The following KDM6A variants were observed in gnomAD, a reference collection of about 807,000 sequenced individuals.
KDM6A encodes lysine demethylase 6A.
In KDM6A, 11 loss-of-function variants were observed where a neutral mutation model predicts 117.6. That is an observed-to-expected ratio of 0.09 (90% CI 0.06 to 0.15). The LOEUF is 0.15. Among genes scored for constraint, KDM6A ranks in the 10% least tolerant of loss-of-function variants. The pLI, the probability that KDM6A is intolerant of heterozygous loss-of-function variation, is 1.00. For missense variants in KDM6A, 799 were observed against 1,077.3 expected (o/e 0.74, Z 3.62); for synonymous variants, 384 against 396.1 (o/e 0.97, Z 0.36).
chrX:45,011,474 C>G (rs1005259869), intron 5 of KDM6A, among the ~76,000 whole-genome samples: 2 of 111,407 alleles, frequency 1.8e-5, no homozygotes, highest in Admixed American at 9.5e-5. Context: ...TAACTAGGCA[C>G]CAACTCATAA....
intron 7 of KDM6A, 81 bp downstream of exon 7, chrX:45,035,066 T>G (rs1049121359): frequency 8.4e-6 from 7 of 834,919 alleles, no homozygotes; most frequent in Non-Finnish European, 1.3e-5. Context: ...AGTGATAAAT[T>G]CTGTGCAATT....
In KDM6A at chrX:44,984,959, G is replaced by A. The variant is rs1413937496; in HGVS notation, c.384+10244G>A. Among the ~76,000 whole-genome samples the A allele has an allele frequency of 2.7e-5, 3 of 110,474 alleles. No individual in the cohort carries two copies. In the East Asian group the frequency reaches 8.5e-4, roughly 31 times the overall value. On this transcript the variant is annotated intron_variant, in intron 4 of 29. Coordinates refer to ENST00000611820, the MANE Select transcript of KDM6A (RefSeq NM_001291415.2). ...TCCAATTCTGTGAAGAAAGTCATTG[G>A]TAGCTTGATGGGGATGGCATTGAAT...
At chrX:44,909,562 G>A (rs1190572192) in intron 2 of KDM6A, among the ~76,000 whole-genome samples, 1 of 110,603 alleles carries the variant, frequency 9.0e-6, no homozygotes, top group East Asian at 2.8e-4. Context: ...GTTTTGAAAT[G>A]TATAGTCACC....
intron 4 of KDM6A, among the ~76,000 whole-genome samples, chrX:44,987,922 T>G (rs1039470859): frequency 9.0e-6 from 1 of 110,827 alleles, no homozygotes; most frequent in Non-Finnish European, 1.9e-5. Flanking sequence ...CTTTGTGGTG[T>G]TCTCTGTATT....
chrX:44,967,309 C>A (rs900949876), intron 3 of KDM6A, among the ~76,000 whole-genome samples: 2 of 111,563 alleles, frequency 1.8e-5, no homozygotes, highest in Admixed American at 1.9e-4. Flanking sequence ...CATTTGTTAC[C>A]TTTGGCTACC....
chrX:44,963,507 G>GTCTGTCTGTCTGTC (rs1569485938), intron 3 of KDM6A, among the ~76,000 whole-genome samples: 1 of 104,914 alleles, frequency 9.5e-6, no homozygotes, highest in East Asian at 3.0e-4. Context: ...GTCTCTGTCT[G>GTCTGTCTGTCTGTC]TCTGTCTGTC....
At chrX:45,051,641 T>A in intron 8 of KDM6A, 68 bp from the exon 9 acceptor site, 1 of 600,048 alleles carries the variant, frequency 1.7e-6, no homozygotes, top group Non-Finnish European at 2.7e-6. Flanking sequence ...TGTATAATTC[T>A]TAATATATGA....
intron 5 of KDM6A, among the ~76,000 whole-genome samples, chrX:45,019,337 C>T (rs2042087437): frequency 9.0e-6 from 1 of 111,651 alleles, no homozygotes; most frequent in Non-Finnish European, 1.9e-5. Flanking sequence ...AAAGTACTGT[C>T]ATAATCAGGG....
chrX:44,881,365 G>C (rs1015168835), intron 2 of KDM6A, among the ~76,000 whole-genome samples: 3 of 111,582 alleles, frequency 2.7e-5, no homozygotes, highest in Admixed American at 1.9e-4. Context: ...CCCAGGAGAT[G>C]GAGATTGCAG....
intron 3 of KDM6A, among the ~76,000 whole-genome samples, chrX:44,965,232 G>A (rs1431942681): frequency 8.9e-6 from 1 of 111,860 alleles, no homozygotes; most frequent in African/African-American, 3.3e-5. Context: ...GTTTTATCCA[G>A]ACCACTCAGA....
chrX:44,899,396 C>T (rs779181117), intron 2 of KDM6A, among the ~76,000 whole-genome samples: 1 of 108,309 alleles, frequency 9.2e-6, no homozygotes, highest in Non-Finnish European at 1.9e-5. Context: ...CCCGGCTCCA[C>T]TGAAACTGGA....
intron 5 of KDM6A, among the ~76,000 whole-genome samples, chrX:45,017,410 A>G (rs759185155): frequency 8.1e-5 from 9 of 111,534 alleles, no homozygotes; most frequent in Non-Finnish European, 1.7e-4. Context: ...ATGTAGTCTG[A>G]GTGTTACCTA....
intron 2 of KDM6A, among the ~76,000 whole-genome samples, chrX:44,877,903 T>C (rs912566141): frequency 5.4e-5 from 6 of 111,654 alleles, no homozygotes; most frequent in African/African-American, 2.0e-4. Context: ...TTTTTGATAA[T>C]AGAAGTAGTT....
intron 2 of KDM6A, among the ~76,000 whole-genome samples, chrX:44,956,816 G>A (rs192207126): frequency 2.7e-5 from 3 of 111,322 alleles, no homozygotes; most frequent in Admixed American, 9.6e-5. Flanking sequence ...TTGTGTATGC[G>A]TATGGTTGGC....
intron 2 of KDM6A, among the ~76,000 whole-genome samples, chrX:44,883,973 A>G (rs750041691): frequency 1.8e-5 from 2 of 108,657 alleles, no homozygotes; most frequent in African/African-American, 6.7e-5. Context: ...GTGGTGGCGC[A>G]TGCCTGTAAT....
intron 2 of KDM6A, among the ~76,000 whole-genome samples, chrX:44,954,309 T>A (rs1365259689): frequency 1.8e-5 from 2 of 111,488 alleles, no homozygotes; most frequent in African/African-American, 6.5e-5. Flanking sequence ...TCAAGTTTAA[T>A]GATGCATACA....
intron 27 of KDM6A, among the ~76,000 whole-genome samples, chrX:45,095,798 C>G (rs779577904): frequency 1.8e-5 from 2 of 112,244 alleles, no homozygotes; most frequent in Non-Finnish European, 3.8e-5. Context: ...TCACCAGTGA[C>G]CAACTGTTGT....
chrX:45,111,390 A>G lies in KDM6A; in HGVS notation c.4341A>G (p.Pro1447=), dbSNP rs778920577. ...CTTACTTTTATTTTCAGGCTCCTCC[A>G]TTACCATCCGCCTCATCTTGATATT... ...QVYDQFTLAP[P]LPSASS is the part of the protein sequence containing the mutation. Residue 1447 remains proline (P), a synonymous_variant, in exon 30 of 30, where the codon CCA becomes CCG. Coordinates refer to ENST00000611820, the MANE Select transcript of KDM6A (RefSeq NM_001291415.2). 9.2e-6 allele frequency: 11 copies of G among 1,201,156 alleles called. No homozygotes were observed. The highest frequency in any genetic ancestry group is 2.2e-5 in the Admixed American group (1 of 45,870).
intron 28 of KDM6A, among the ~76,000 whole-genome samples, chrX:45,109,122 A>T (rs1032339963): frequency 1.6e-4 from 16 of 101,648 alleles, no homozygotes; most frequent in South Asian, 8.3e-4. Flanking sequence ...AGTATAATTT[A>T]AAAAAATAAT....
Sources: gnomAD v4.1 joint callset for allele counts (sites outside exome capture counted in the v4.1 genomes callset) on GRCh38, gnomAD v4.1.1 for gene constraint, MANE v1.5 for transcripts, NCBI Gene and HGNC (gene_info 2026-07-23, HGNC 2026-07-21) for gene names.